Variants in NEB observed in about 807,000 individuals in gnomAD.
NEB encodes the protein nebulin, also known as nemaline myopathy type 2.
A neutral mutation model predicts 952.2 loss-of-function variants in NEB; 512 were observed. The observed-to-expected ratio is 0.54, with a 90% CI of 0.50 to 0.58. The LOEUF (loss-of-function observed/expected upper bound fraction) is 0.58, where lower values mean the gene tolerates loss of function less well. Among genes scored for constraint, NEB ranks in the 20% least tolerant of loss-of-function variants. The pLI is 0.00. For missense variants in NEB, 8,428 were observed against 9,231.1 expected (o/e 0.91, Z 3.56); for synonymous variants, 2,900 against 3,149.8 (o/e 0.92, Z 2.66).
chr2:151,648,768 T>C (rs1291436669), intron 54 of NEB, among the ~76,000 whole-genome samples: 7 of 152,242 alleles, frequency 4.6e-5, no homozygotes, highest in African/African-American at 1.7e-4. Context: ...TTGCTTCTGG[T>C]TGAAAGTCAC....
intron 3 of NEB, among the ~76,000 whole-genome samples, chr2:151,730,488 T>G (rs2099803712): frequency 6.6e-6 from 1 of 151,918 alleles, no homozygotes; most frequent in South Asian, 2.1e-4. Context: ...TGGTTTCAGA[T>G]GTGTAAGGAG....
Position 151,610,643 on chromosome 2 carries a change from C to A in NEB, c.11911-20G>T. 6.3e-7 allele frequency: 1 copy of A among 1,591,838 alleles called. No homozygotes were observed. The highest frequency in any genetic ancestry group is 8.6e-7 in the Non-Finnish European group (1 of 1,159,844). On this transcript the variant is annotated intron_variant, in intron 79 of 181. Coordinates refer to ENST00000397345, the MANE Select transcript of NEB (RefSeq NM_001164508.2). ...AAGTTTCTAGGGAAGGGATAATAGA[C>A]GACAGAAAATAAGAGTGTTTGAGGA...
At chr2:151,563,971 A>G in intron 117 of NEB, 41 bp from the exon 118 acceptor site, 6 of 1,428,130 alleles carry the variant, frequency 4.2e-6, no homozygotes, top group South Asian at 2.5e-5. Flanking sequence ...TTTTCTTTCA[A>G]CTTCTTTCAG....
chr2:151,658,161 C>A, intron 47 of NEB, 71 bp from the exon 48 acceptor site: 1 of 1,140,900 alleles, frequency 8.8e-7, no homozygotes, highest in Non-Finnish European at 1.3e-6. Context: ...GAAGAGTAAA[C>A]TACCACTGTG....
At chr2:151,635,982 G>C (rs1173440525) in intron 64 of NEB, among the ~76,000 whole-genome samples, 1 of 152,150 alleles carries the variant, frequency 6.6e-6, no homozygotes, top group Non-Finnish European at 1.5e-5. Context: ...GGGTCCACAT[G>C]AATGAATCTT....
At chr2:151,541,666 T>C (rs1308940107) in intron 135 of NEB, 115 bp from the exon 136 acceptor site, 2 of 749,586 alleles carry the variant, frequency 2.7e-6, no homozygotes, top group East Asian at 2.6e-5. Flanking sequence ...ACTGCAACGA[T>C]TGCAGTTTCT....
Position 151,568,126 on chromosome 2 carries a change from G to A in NEB, c.17789C>T (p.Pro5930Leu), listed in dbSNP as rs760891450. 4.3e-6 allele frequency: 7 copies of A among 1,613,596 alleles called. No homozygotes were observed. Among genetic ancestry groups the A allele is most frequent in the Non-Finnish European group, 5.1e-6 (6 of 1,179,772 alleles). Residue 5930 changes from proline to leucine, a missense_variant, in exon 113 of 182, where the codon CCT (proline) becomes CTT (leucine). Transcript: ENST00000397345. ...ATGAACAAATGGCACAGCATCTGGA[G>A]GCAAAATGTAACCTGTGGCTTTTTG... ...ERQKATGYIL[P>L]PDAVPFVHAH...
chr2:151,624,113 T>C (rs2098472035), intron 71 of NEB, among the ~76,000 whole-genome samples: 1 of 152,164 alleles, frequency 6.6e-6, no homozygotes, highest in Non-Finnish European at 1.5e-5. Context: ...CATTCTGAAA[T>C]GTGATCTTAG....
chr2:151,511,612 C>G (rs780492039), intron 161 of NEB, among the ~76,000 whole-genome samples: 1 of 152,204 alleles, frequency 6.6e-6, no homozygotes, highest in Non-Finnish European at 1.5e-5. Flanking sequence ...ACTCATTGAT[C>G]AGAAGACAAG....
chr2:151,675,195 C>T (rs1013707332), intron 35 of NEB, 92 bp downstream of exon 35: 10 of 890,962 alleles, frequency 1.1e-5, no homozygotes, highest in Non-Finnish European at 1.8e-5. Context: ...AGAAATGGGC[C>T]TAAATAAATT....
chr2:151,638,593 G>C (rs2098804765), intron 63 of NEB, among the ~76,000 whole-genome samples: 1 of 152,210 alleles, frequency 6.6e-6, no homozygotes, highest in South Asian at 2.1e-4. Flanking sequence ...CGAATGGACT[G>C]ATTTATGAGA....
chr2:151,541,038 C>T (rs539183430), intron 136 of NEB, among the ~76,000 whole-genome samples: 3 of 151,974 alleles, frequency 2.0e-5, no homozygotes, highest in South Asian at 2.1e-4. Flanking sequence ...TGAGTATGAT[C>T]CAAGCAAAGC....
intron 17 of NEB, 113 bp downstream of exon 17, chr2:151,696,524 C>T (rs770709287): frequency 4.5e-5 from 35 of 779,428 alleles, no homozygotes; most frequent in Non-Finnish European, 6.7e-5. Flanking sequence ...TTTAAACTTG[C>T]TAATACTTAC....
At chr2:151,716,161 A>G (rs2099758684) in intron 10 of NEB, 1 of 430,614 alleles carries the variant, frequency 2.3e-6, no homozygotes, top group South Asian at 1.7e-5. Context: ...TCTTTTTGAG[A>G]CAGTTTCACA....
chr2:151,669,478 A>G (rs899991802), intron 38 of NEB, among the ~76,000 whole-genome samples: 1 of 152,244 alleles, frequency 6.6e-6, no homozygotes, highest in African/African-American at 2.4e-5. Flanking sequence ...CAATGGAATC[A>G]TTGTAGCAAA....
chr2:151,627,563 T>A lies in NEB; in HGVS notation c.10103A>T (p.Asp3368Val). The change falls in exon 69 of 182, where the codon GAT (aspartate) becomes GTT (valine). Residue 3368 changes from aspartate to valine, a missense_variant. By Grantham distance (152) the Asp-to-Val change is radical (BLOSUM62 -3). This residue lies in a region of NEB where 1,772 missense variants were observed against 1,960.3 expected (regional missense o/e 0.90). Coordinates refer to ENST00000397345, the MANE Select transcript of NEB (RefSeq NM_001164508.2). ...HEWTCLPDQN[D>V]VIHARQAYDL... ...ATAGGCCTGCCGAGCATGGATGACA[T>A]CATTCTGGTCGGGCAGGCACGTCCA... The A allele has an allele frequency of 6.2e-7, 1 of 1,614,008 alleles. No homozygotes were observed. Among genetic ancestry groups the A allele is most frequent in the Non-Finnish European group, 8.5e-7 (1 of 1,179,882 alleles).
At chr2:151,639,773 T>G in intron 62 of NEB, 84 bp downstream of exon 62, 5 of 1,182,256 alleles carry the variant, frequency 4.2e-6, no homozygotes, top group African/African-American at 1.5e-5. Flanking sequence ...TATTACTCAA[T>G]GTTCTTTCTT....
chr2:151,493,284 G>C (rs115730804), intron 176 of NEB, 69 bp downstream of exon 176: 2 of 1,164,536 alleles, frequency 1.7e-6, no homozygotes, highest in African/African-American at 3.1e-5. Context: ...TGAGAAAGGC[G>C]TGTTTTTATG....
chr2:151,565,509 G>T lies in NEB; in HGVS notation c.18358C>A (p.Gln6120Lys). 3 of 1,583,892 alleles carry T rather than the reference G, an allele frequency of 1.9e-6. No homozygotes were observed. The highest frequency in any genetic ancestry group is 2.6e-6 in the Non-Finnish European group (3 of 1,155,542). Residue 6120 changes from glutamine to lysine, a missense_variant, in exon 116 of 182, where the codon CAA (glutamine) becomes AAA (lysine). This residue lies in a region of NEB where 3,374 missense variants were observed against 3,651.5 expected (regional missense o/e 0.92). Transcript: ENST00000397345. ...IVLAKINSVNQSDVKYKETFN... is the reference protein window; with the variant it reads ...IVLAKINSVNKSDVKYKETFN... ...GCACAAAGCAAACTTACATCACTTT[G>T]ATTGACAGAATTAATCTTGGCTAAA...
Sources: allele counts gnomAD v4.1 joint callset (sites outside exome capture counted in the v4.1 genomes callset), GRCh38; gene constraint gnomAD v4.1.1; regional missense constraint gnomAD v4.1.1; transcripts MANE v1.5; gene names NCBI Gene and HGNC (gene_info 2026-07-23, HGNC 2026-07-21).